The following ZYG11A variants were observed in gnomAD, a reference collection of about 807,000 sequenced individuals.
ZYG11A encodes the protein protein zyg-11 homolog A.
ZYG11A carries 62 observed loss-of-function variants against 77.2 expected under a neutral mutation model. That is an observed-to-expected ratio of 0.80 (90% CI 0.65 to 0.99). ZYG11A has a LOEUF of 0.99. ZYG11A is among the 50% of genes least tolerant of loss of function. The probability of loss-of-function intolerance (pLI) is 0.00; values close to 1 mark genes in which losing one functional copy is unlikely to be tolerated. For missense variants in ZYG11A, 828 were observed against 896.8 expected, an observed-to-expected ratio of 0.92 and a Z score of 0.98; for synonymous variants, 315 against 324.6, an observed-to-expected ratio of 0.97 and a Z score of 0.32.
At chr1:52,853,665 T>C (rs993636605) in intron 1 of ZYG11A, among the ~76,000 whole-genome samples, 1 of 152,088 alleles carries the variant, frequency 6.6e-6, no homozygotes, top group Non-Finnish European at 1.5e-5. Flanking sequence ...AATCCAGCAC[T>C]TGGGGAAGCT....
intron 1 of ZYG11A, among the ~76,000 whole-genome samples, chr1:52,853,646 C>T (rs1470196442): frequency 6.6e-6 from 1 of 152,146 alleles, no homozygotes; most frequent in Admixed American, 6.6e-5. Context: ...TGTGGTGGCT[C>T]ATGCCTGTAA....
intron 2 of ZYG11A, 22 bp from the exon 3 acceptor site, chr1:52,856,976 G>C: frequency 1.3e-6 from 2 of 1,504,272 alleles, no homozygotes; most frequent in African/African-American, 1.4e-5. Context: ...GTCATTACAA[G>C]TTGGTTCTGG....
chr1:52,854,315 G>C (rs1462557553), intron 1 of ZYG11A, 150 bp from the exon 2 acceptor site: 10 of 639,066 alleles, frequency 1.6e-5, no homozygotes, highest in Non-Finnish European at 2.1e-5. Context: ...TAGGAATGAG[G>C]TGGTTTCGTT....
At chr1:52,874,590 G>T (rs1646229550) in intron 8 of ZYG11A, among the ~76,000 whole-genome samples, 1 of 152,120 alleles carries the variant, frequency 6.6e-6, no homozygotes, top group Non-Finnish European at 1.5e-5. Context: ...CATTGGGCCG[G>T]GTGTGGTGGC....
In ZYG11A at chr1:52,894,894, G is replaced by C. The variant is rs1426074795; in HGVS notation, c.*1937G>C. ...GAGGATGTGTTAGGGGAACTAGTGT[G>C]TTAAGTCCAATTCTGTACAAGACAT... On this transcript the variant is annotated 3_prime_UTR_variant, in exon 14 of 14. Coordinates refer to ENST00000371528, the MANE Select transcript of ZYG11A (RefSeq NM_001004339.3). 1 of 152,208 alleles carries C rather than the reference G, an allele frequency of 6.6e-6. No homozygotes were observed. Among genetic ancestry groups the C allele is most frequent in the Admixed American group, 6.5e-5 (1 of 15,278 alleles). 9.4% of individuals were successfully genotyped at this position (152,208 alleles called of 1,614,324 possible).
intron 13 of ZYG11A, among the ~76,000 whole-genome samples, chr1:52,891,931 G>A (rs955868061): frequency 6.6e-6 from 1 of 151,326 alleles, no homozygotes; most frequent in Non-Finnish European, 1.5e-5. Flanking sequence ...ACAGAGTCTC[G>A]CTCTGTCGCC....
rs370645595 is a variant in ZYG11A at position 52,870,791 on chromosome 1, A to G, written c.1542+3014A>G. Among the ~76,000 whole-genome samples, 56 of 151,118 alleles carry G rather than the reference A, an allele frequency of 3.7e-4. No individual in the cohort carries two copies. In the East Asian group the frequency reaches 9.6e-3, roughly 26 times the overall value. ...CAGGAGAGTCAGGCAGGGAGGCTGCAGTGAGCTGAGATGGCAGCAGTACAG... is the reference window on the plus strand; with the variant it reads ...CAGGAGAGTCAGGCAGGGAGGCTGCGGTGAGCTGAGATGGCAGCAGTACAG... On this transcript the variant is annotated intron_variant, in intron 8 of 13. Coordinates refer to ENST00000371528, the MANE Select transcript of ZYG11A (RefSeq NM_001004339.3).
intron 1 of ZYG11A, among the ~76,000 whole-genome samples, chr1:52,845,224 TC>T (rs1428291283): frequency 6.6e-6 from 1 of 152,092 alleles, no homozygotes; most frequent in East Asian, 1.9e-4. Context: ...TTTCCTTGTG[TC>T]TAGTGTTTAA....
At chr1:52,870,123 G>A (rs1325175286) in intron 8 of ZYG11A, among the ~76,000 whole-genome samples, 1 of 147,634 alleles carries the variant, frequency 6.8e-6, no homozygotes, top group South Asian at 2.2e-4. Context: ...CGGGGCAGAG[G>A]CTCTCCCCAC....
rs1317747830 is a variant in ZYG11A at position 52,894,188 on chromosome 1, T to A, written c.*1231T>A. 1 of 152,138 alleles carries A rather than the reference T, an allele frequency of 6.6e-6. No individual in the cohort carries two copies. Among genetic ancestry groups the A allele is most frequent in the Admixed American group, 6.6e-5 (1 of 15,264 alleles). 9.4% of individuals were successfully genotyped at this position (152,138 alleles called of 1,614,324 possible). A position where few individuals can be genotyped will look rare whatever the true frequency, so the allele number is the denominator to read the frequency against. On this transcript the variant is annotated 3_prime_UTR_variant, in exon 14 of 14. Coordinates refer to ENST00000371528, the MANE Select transcript of ZYG11A (RefSeq NM_001004339.3). The stretch of plus-strand genomic sequence containing the variant: ...GACATGCTGTGTATGTGAGTGAGCT[T>A]GTAGGGCGTGGTGGGACTTAGGCAT...
chr1:52,882,503 T>C (rs1646379980), intron 11 of ZYG11A, among the ~76,000 whole-genome samples: 1 of 152,204 alleles, frequency 6.6e-6, no homozygotes, highest in Admixed American at 6.6e-5. Context: ...TTTCCTGGCT[T>C]ATGTGCCTCC....
intron 8 of ZYG11A, among the ~76,000 whole-genome samples, chr1:52,871,404 G>C (rs1474467435): frequency 6.6e-6 from 1 of 151,460 alleles, no homozygotes; most frequent in African/African-American, 2.4e-5. Context: ...CACTGTTTAT[G>C]CTACCTTTAT....
At position 52,864,011 on chromosome 1, in the gene ZYG11A, T is replaced by C. The variant is rs1419638466; in HGVS notation, c.1180T>C (p.Leu394=). The change falls in exon 5 of 14, where the codon TTG becomes CTG. Residue 394 remains leucine (L), a synonymous_variant. Transcript: ENST00000371528. The part of the protein sequence containing the change: ...LVAIGMRNHP[L]DLRVQFTASA... ...GGCTATAGGAATGAGGAATCACCCATTGGATTTGCGAGTGCAGTTCACAGC... is the reference window on the plus strand; with the variant it reads ...GGCTATAGGAATGAGGAATCACCCACTGGATTTGCGAGTGCAGTTCACAGC... The C allele has an allele frequency of 1.1e-5, 17 of 1,551,498 alleles. No homozygotes were observed. Among genetic ancestry groups the C allele is most frequent in the East Asian group, 4.9e-5 (2 of 40,898 alleles).
intron 8 of ZYG11A, 33 bp downstream of exon 8, chr1:52,867,810 TA>T: frequency 6.6e-7 from 1 of 1,521,348 alleles, no homozygotes. Context: ...AACCTTTTTT[TA>T]AAAAAAGTCA....
chr1:52,861,319 T>C lies in ZYG11A; in HGVS notation c.1149+448T>C, dbSNP rs191028347. Among the ~76,000 whole-genome samples, 188 of 152,348 alleles carry C rather than the reference T, an allele frequency of 1.2e-3. 1 individual carries two copies. The Middle Eastern group carries it at 0.017, about 14-fold the overall frequency. On this transcript the variant is annotated intron_variant, in intron 4 of 13. Transcript: ENST00000371528. ...GGCTTGGGAAAGAAAACTTCAGTTA[T>C]TTATTTTTCTTTTATACATGTGTTT...
Position 52,866,550 on chromosome 1 carries a change from G to A in ZYG11A, c.1374G>A (p.Val458=), listed in dbSNP as rs1243815404. Reference sequence around the variant, plus strand: ...CCTTAACCAATTCCAGGATTCTTGTGGATGTTCCATTTGACAGGCAAGTAT... The same window carrying A: ...CCTTAACCAATTCCAGGATTCTTGTAGATGTTCCATTTGACAGGCAAGTAT... The part of the protein sequence containing the change: ...LLSLTNSRIL[V]DVPFDRFDAA... Residue 458 remains valine, a synonymous_variant, in exon 6 of 14, where the codon GTG becomes GTA. Coordinates refer to ENST00000371528, the MANE Select transcript of ZYG11A (RefSeq NM_001004339.3). 1.9e-6 allele frequency: 3 copies of A among 1,543,594 alleles called. No homozygotes were observed. The highest frequency in any genetic ancestry group is 2.7e-5 in the African/African-American group (2 of 72,860).
At chr1:52,891,189 C>T (rs538554271) in intron 13 of ZYG11A, among the ~76,000 whole-genome samples, 35 of 151,938 alleles carry the variant, frequency 2.3e-4, no homozygotes, top group East Asian at 1.9e-4. Context: ...TGTGAGCCAC[C>T]GTACCCAGCC....
chr1:52,876,932 A>C (rs184892457), intron 8 of ZYG11A, among the ~76,000 whole-genome samples: 1 of 152,134 alleles, frequency 6.6e-6, no homozygotes, highest in Non-Finnish European at 1.5e-5. Flanking sequence ...TACTAGCTTG[A>C]CTTCTTTCTA....
intron 8 of ZYG11A, among the ~76,000 whole-genome samples, chr1:52,870,773 G>C (rs1234011542): frequency 6.6e-6 from 1 of 152,108 alleles, no homozygotes; most frequent in Non-Finnish European, 1.5e-5. Flanking sequence ...AGGCAGGAGA[G>C]TCAGGCAGGG....
Sources: allele counts gnomAD v4.1 joint callset (sites outside exome capture counted in the v4.1 genomes callset), GRCh38; gene constraint gnomAD v4.1.1; transcripts MANE v1.5; gene names NCBI Gene and HGNC (gene_info 2026-07-23, HGNC 2026-07-21).